ARHGAP21: variants seen among roughly 807,000 people sequenced by gnomAD.
The protein encoded by ARHGAP21 is rho GTPase-activating protein 21.
Under a neutral mutation model 164.6 loss-of-function variants are expected in ARHGAP21, and 38 were observed. The ratio of observed to expected loss-of-function variants is 0.23; its 90% confidence interval spans 0.18 to 0.30. ARHGAP21 has a LOEUF of 0.30. ARHGAP21 is among the 10% of genes least tolerant of loss of function. The pLI, the probability that ARHGAP21 is intolerant of heterozygous loss-of-function variation, is 1.00. For missense variants in ARHGAP21, 1,822 were observed against 2,370.7 expected, an observed-to-expected ratio of 0.77 and a Z score of 4.81; for synonymous variants, 766 against 857.9, an observed-to-expected ratio of 0.89 and a Z score of 1.87.
At chr10:24,613,909 A>G (rs901561341) in intron 9 of ARHGAP21, among the ~76,000 whole-genome samples, 1 of 152,022 alleles carries the variant, frequency 6.6e-6, no homozygotes, top group African/African-American at 2.4e-5. Flanking sequence ...GAATCTTTGC[A>G]GTCCCATAGA....
At chr10:24,615,827 T>C (rs1833887352) in intron 9 of ARHGAP21, among the ~76,000 whole-genome samples, 1 of 152,208 alleles carries the variant, frequency 6.6e-6, no homozygotes, top group Admixed American at 6.5e-5. Flanking sequence ...CAGGCTGGAG[T>C]GCAGTGGTAC....
chr10:24,612,130 T>C (rs570132054), intron 9 of ARHGAP21, among the ~76,000 whole-genome samples: 1 of 152,344 alleles, frequency 6.6e-6, no homozygotes, highest in Non-Finnish European at 1.5e-5. Flanking sequence ...TTTATGTAAC[T>C]CAGTGAAATT....
At chr10:24,706,774 C>A (rs1015579600) in intron 2 of ARHGAP21, 2 of 152,240 alleles carry the variant, frequency 1.3e-5, no homozygotes, top group Non-Finnish European at 2.9e-5. Flanking sequence ...TAGTTCCCAC[C>A]AGTACATTTA....
rs1299152883 is a variant in ARHGAP21, at chr10:24,631,692, ACTC to A, written c.441-1645_441-1643del. 2.0e-5 allele frequency among the ~76,000 whole-genome samples: 3 copies of A among 152,048 alleles called. 1 individual carries two copies. Among genetic ancestry groups the A allele is most frequent in the Admixed American group, 2.0e-4 (3 of 15,256 alleles). On this transcript the variant is annotated intron_variant, in intron 6 of 25. Transcript: ENST00000396432. Reference sequence around the variant, plus strand: ...TTGGTAGAAACTGATGTTTAGATAAACTCCTGTGCAAGGACACATCTGTTTGTT... The same window carrying A: ...TTGGTAGAAACTGATGTTTAGATAAACTGTGCAAGGACACATCTGTTTGTT...
intron 17 of ARHGAP21, 92 bp downstream of exon 17, chr10:24,596,648 C>A (rs773066194): frequency 4.6e-6 from 7 of 1,535,330 alleles, no homozygotes; most frequent in Non-Finnish European, 5.3e-6. Context: ...GATTGACAGT[C>A]TCTGTTGTCT....
chr10:24,612,637 G>A (rs527948699), intron 9 of ARHGAP21, among the ~76,000 whole-genome samples: 19 of 151,934 alleles, frequency 1.3e-4, no homozygotes, highest in Admixed American at 2.0e-4. Flanking sequence ...GGCGGATCAC[G>A]AGGTCAGGAG....
Position 24,633,412 on chromosome 10 carries a change from T to C in ARHGAP21, c.430A>G (p.Ile144Val), listed in dbSNP as rs551720827. ...GKTYSQVIAL[I>V]QNSDTTLELS... is the part of the protein sequence containing the mutation. ...TTTTAAGACTCTTACCTGTTTTGAA[T>C]TAAAGCAATTACTTGGGAATAGGTT... The change falls in exon 6 of 26, where the codon ATT becomes GTT. Residue 144 changes from isoleucine (I) to valine (V), a missense_variant. Ile to Val is a conservative substitution (Grantham distance 29, BLOSUM62 3). This residue lies in a region of ARHGAP21 where 1,090 missense variants were observed against 1,378.9 expected (regional missense o/e 0.79). Transcript: ENST00000396432. 6.2e-7 allele frequency: 1 copy of C among 1,608,368 alleles called. No individual in the cohort carries two copies. Among genetic ancestry groups the C allele is most frequent in the South Asian group, 1.1e-5 (1 of 90,670 alleles).
At chr10:24,706,339 C>A (rs2132179145) in intron 2 of ARHGAP21, among the ~76,000 whole-genome samples, 1 of 152,080 alleles carries the variant, frequency 6.6e-6, no homozygotes, top group Non-Finnish European at 1.5e-5. Flanking sequence ...TAATTCAGAT[C>A]ATTAGATTTA....
At chr10:24,655,926 A>G (rs1838800349) in intron 4 of ARHGAP21, among the ~76,000 whole-genome samples, 1 of 99,826 alleles carries the variant, frequency 1.0e-5, no homozygotes, top group African/African-American at 4.5e-5. Flanking sequence ...GGAGGTGAGG[A>G]GCGTCTCTGC....
At chr10:24,670,447 C>G (rs1840595610) in intron 2 of ARHGAP21, 50 bp from the exon 3 acceptor site, 1 of 1,270,112 alleles carries the variant, frequency 7.9e-7, no homozygotes, top group East Asian at 2.6e-5. Flanking sequence ...AATATACTTC[C>G]TCATCTAAAA....
intron 2 of ARHGAP21, among the ~76,000 whole-genome samples, chr10:24,697,944 A>G (rs1843321534): frequency 6.6e-6 from 1 of 152,240 alleles, no homozygotes; most frequent in Admixed American, 6.5e-5. Context: ...TGTCAGAGTC[A>G]TATGTACTGC....
chr10:24,670,080 T>C (rs1840559216), intron 3 of ARHGAP21, 138 bp downstream of exon 3: 2 of 503,540 alleles, frequency 4.0e-6, no homozygotes, highest in East Asian at 7.0e-5. Context: ...AGAAAAATAA[T>C]ATAATAAAAA....
intron 15 of ARHGAP21, 115 bp downstream of exon 15, chr10:24,597,830 A>G: frequency 1.7e-6 from 2 of 1,190,896 alleles, no homozygotes; most frequent in South Asian, 2.8e-5. Flanking sequence ...AGGATTTGGT[A>G]CTATCTGCGG....
At chr10:24,626,749 C>T (rs1460827650) in intron 7 of ARHGAP21, among the ~76,000 whole-genome samples, 1 of 151,992 alleles carries the variant, frequency 6.6e-6, no homozygotes, top group Non-Finnish European at 1.5e-5. Flanking sequence ...TTTGGAAATA[C>T]AATAAAAAAC....
At chr10:24,708,796 T>A (rs1328746664) in intron 2 of ARHGAP21, among the ~76,000 whole-genome samples, 1 of 152,254 alleles carries the variant, frequency 6.6e-6, no homozygotes, top group African/African-American at 2.4e-5. Context: ...CCATGAATAG[T>A]CTTCCATTCC....
chr10:24,626,513 C>G (rs76032045), intron 7 of ARHGAP21, among the ~76,000 whole-genome samples: 3 of 152,100 alleles, frequency 2.0e-5, no homozygotes, highest in African/African-American at 7.2e-5. Flanking sequence ...AGAAAATGGG[C>G]CCTCACGAGA....
chr10:24,585,195 G>A lies in ARHGAP21; in HGVS notation c.5094C>T (p.Ile1698=), dbSNP rs1298967438. 11 of 1,607,318 alleles carry A rather than the reference G, an allele frequency of 6.8e-6. No individual in the cohort carries two copies. Among genetic ancestry groups the A allele is most frequent in the African/African-American group, 1.3e-5 (1 of 74,818 alleles). The part of the protein sequence containing the change: ...RRQLFSSHKL[I]ECDTLSRKKS... ...TTTTCCTGGAAAGAGTATCACATTCGATGAGTTTATGGGAACTGAAGAGCT... is the reference window on the plus strand; with the variant it reads ...TTTTCCTGGAAAGAGTATCACATTCAATGAGTTTATGGGAACTGAAGAGCT... Residue 1698 remains isoleucine, a synonymous_variant, in exon 26 of 26, where the codon ATC becomes ATT. Coordinates refer to ENST00000396432, the MANE Select transcript of ARHGAP21 (RefSeq NM_020824.4).
chr10:24,682,999 G>C (rs1223175432), intron 2 of ARHGAP21, among the ~76,000 whole-genome samples: 1 of 150,810 alleles, frequency 6.6e-6, no homozygotes, highest in Non-Finnish European at 1.5e-5. Context: ...GAGAGGCTGA[G>C]ACAGGAGAAT....
intron 4 of ARHGAP21, among the ~76,000 whole-genome samples, chr10:24,661,068 T>G (rs1839642935): frequency 6.6e-6 from 1 of 151,670 alleles, no homozygotes; most frequent in South Asian, 2.1e-4. Flanking sequence ...ATTCTTATTT[T>G]GATTATTTAT....
Sources: allele counts gnomAD v4.1 joint callset (sites outside exome capture counted in the v4.1 genomes callset), GRCh38; gene constraint gnomAD v4.1.1; regional missense constraint gnomAD v4.1.1; transcripts MANE v1.5; gene names NCBI Gene and HGNC (gene_info 2026-07-23, HGNC 2026-07-21).